IPO9: variants seen among roughly 807,000 people sequenced by gnomAD.
IPO9 encodes the protein importin 9.
Under a neutral mutation model 128.6 loss-of-function variants are expected in IPO9, and 28 were observed. The observed-to-expected ratio is 0.22, with a 90% confidence interval of 0.16 to 0.30. The LOEUF (loss-of-function observed/expected upper bound fraction) is 0.30. IPO9 is among the 10% of genes least tolerant of loss of function. The pLI is 1.00. For synonymous variants in IPO9, 455 were observed against 475.8 expected, an observed-to-expected ratio of 0.96 and a Z score of 0.57; for missense variants, 935 against 1,293.9, an observed-to-expected ratio of 0.72 and a Z score of 4.26.
intron 1 of IPO9, among the ~76,000 whole-genome samples, chr1:201,835,454 A>G (rs1280991988): frequency 6.6e-6 from 1 of 152,240 alleles, no homozygotes; most frequent in Non-Finnish European, 1.5e-5. Context: ...AGGATTTCTT[A>G]GGAAGTCAAA....
chr1:201,834,640 A>G (rs1429844240), intron 1 of IPO9, among the ~76,000 whole-genome samples: 1 of 152,206 alleles, frequency 6.6e-6, no homozygotes, highest in Non-Finnish European at 1.5e-5. Context: ...TTACATAACT[A>G]GATTTAGACC....
chr1:201,857,795 C>CAAA (rs34460064), intron 11 of IPO9, among the ~76,000 whole-genome samples: 3 of 124,392 alleles, frequency 2.4e-5, no homozygotes, highest in Admixed American at 8.1e-5. Context: ...AACTTGGTCT[C>CAAA]AAAAAAAAAA....
chr1:201,861,485 G>A (rs1680447266), intron 13 of IPO9, among the ~76,000 whole-genome samples: 1 of 152,126 alleles, frequency 6.6e-6, no homozygotes, highest in Non-Finnish European at 1.5e-5. Context: ...CCAACTTTAC[G>A]CTAATGTAAG....
chr1:201,829,215 G>A lies in IPO9; in HGVS notation c.6G>A (p.Ala2=). M[A]AAAAAGAASG... is the part of the protein sequence containing the mutation. Reference sequence around the variant, plus strand: ...GCGGGCTGAGGGGAGAAAAGATGGCGGCGGCGGCGGCAGCTGGTGCGGCCT... The same window carrying A: ...GCGGGCTGAGGGGAGAAAAGATGGCAGCGGCGGCGGCAGCTGGTGCGGCCT... Residue 2 remains alanine, a synonymous_variant, in exon 1 of 24, where the codon GCG becomes GCA. Transcript: ENST00000361565. 5 of 1,551,210 alleles carry A rather than the reference G, an allele frequency of 3.2e-6. No homozygotes were observed. The highest frequency in any genetic ancestry group is 1.9e-5 in the Admixed American group (1 of 51,990).
chr1:201,869,579 C>T lies in IPO9; in HGVS notation c.2005-11C>T, dbSNP rs1680612274. The stretch of plus-strand genomic sequence containing the variant: ...GGCAATTCTGACTTTTCTTTTTCTT[C>T]TCTCTTTCAGACAGCCATTGATATC... On this transcript the variant is annotated splice_polypyrimidine_tract_variant and intron_variant, in intron 16 of 23. Transcript: ENST00000361565. The T allele has an allele frequency of 6.2e-7, 1 of 1,613,410 alleles. No homozygotes were observed. The highest frequency in any genetic ancestry group is 1.3e-5 in the African/African-American group (1 of 74,888).
intron 19 of IPO9, among the ~76,000 whole-genome samples, chr1:201,872,249 C>G (rs760704706): frequency 1.3e-5 from 2 of 152,076 alleles, no homozygotes; most frequent in African/African-American, 2.4e-5. Flanking sequence ...CCTTCTAACC[C>G]TGGCTTCCTA....
intron 13 of IPO9, chr1:201,863,223 G>A (rs1266403328): frequency 3.0e-5 from 8 of 268,906 alleles, no homozygotes; most frequent in Admixed American, 1.4e-4. Flanking sequence ...ATGGTGGCAG[G>A]CGCCTGTGAT....
Position 201,860,985 on chromosome 1 carries a change from G to A in IPO9, c.1468+1991G>A, listed in dbSNP as rs189067700. On this transcript the variant is annotated intron_variant, in intron 13 of 23. Transcript: ENST00000361565. Reference sequence around the variant, plus strand: ...GTTCGAGACCAGCCTGGCTAACATGGCCTAACCCCATCTCTACTAAAAATA... The same window carrying A: ...GTTCGAGACCAGCCTGGCTAACATGACCTAACCCCATCTCTACTAAAAATA... Among the ~76,000 whole-genome samples the A allele has an allele frequency of 3.2e-3, 494 of 152,224 alleles. 4 individuals carry two copies. The highest frequency in any genetic ancestry group is 5.0e-3 in the Non-Finnish European group (338 of 68,014).
At chr1:201,853,447 G>T (rs1680263229) in intron 6 of IPO9, among the ~76,000 whole-genome samples, 1 of 152,062 alleles carries the variant, frequency 6.6e-6, no homozygotes, top group Non-Finnish European at 1.5e-5. Flanking sequence ...TGCCCAGGCT[G>T]GTCTTGAACT....
chr1:201,858,392 A>G lies in IPO9; in HGVS notation c.1222-55A>G, dbSNP rs1222596647. The G allele has an allele frequency of 1.8e-5, 18 of 1,002,042 alleles. No individual in the cohort carries two copies. In the Middle Eastern group the frequency reaches 2.0e-3, roughly 112 times the overall value. The allele number at this position is 1,002,042 out of a possible 1,614,324, so 62.1% of individuals were successfully genotyped here. Reference sequence around the variant, plus strand: ...ACAGTCATGACTGAAGCGGTTTACAATTAAAATGCATTTAATGGGCACAAA... The same window carrying G: ...ACAGTCATGACTGAAGCGGTTTACAGTTAAAATGCATTTAATGGGCACAAA... On this transcript the variant is annotated intron_variant, in intron 11 of 23. Coordinates refer to ENST00000361565, the MANE Select transcript of IPO9 (RefSeq NM_018085.5).
Position 201,868,783 on chromosome 1 carries a change from C to G in IPO9, c.1991C>G (p.Ala664Gly). Reference protein sequence around the residue: ...IMQAPADKIPAGLCATAIDIL... With the variant: ...IMQAPADKIPGGLCATAIDIL... ...CAGGCCCCAGCAGACAAGATTCCTG[C>G]AGGGCTTTGTGCGGTAAGTGGCCGT... Residue 664 changes from alanine to glycine, a missense_variant, in exon 16 of 24, where the codon GCA becomes GGA. Physicochemically the swap from Ala to Gly is moderately conservative, Grantham distance 60. Coordinates refer to ENST00000361565, the MANE Select transcript of IPO9 (RefSeq NM_018085.5). 6.2e-7 allele frequency: 1 copy of G among 1,610,358 alleles called. No homozygotes were observed. The highest frequency in any genetic ancestry group is 1.7e-4 in the Middle Eastern group (1 of 6,054).
chr1:201,866,633 T>C (rs1168314322), intron 14 of IPO9, 100 bp from the exon 15 acceptor site: 2 of 876,878 alleles, frequency 2.3e-6, no homozygotes, highest in Non-Finnish European at 3.6e-6. Flanking sequence ...GAATTAGCTT[T>C]ATAAAGCTAC....
At chr1:201,831,178 C>A (rs1217641064) in intron 1 of IPO9, among the ~76,000 whole-genome samples, 1 of 152,008 alleles carries the variant, frequency 6.6e-6, no homozygotes, top group African/African-American at 2.4e-5. Flanking sequence ...TCTTTTTGAG[C>A]CTTTAAGTGA....
intron 3 of IPO9, among the ~76,000 whole-genome samples, chr1:201,847,884 C>T (rs773680944): frequency 6.6e-6 from 1 of 152,118 alleles, no homozygotes; most frequent in Non-Finnish European, 1.5e-5. Flanking sequence ...ACACCTAAGC[C>T]TCAATTTCCT....
chr1:201,830,793 C>T (rs945091287), intron 1 of IPO9, among the ~76,000 whole-genome samples: 1 of 152,324 alleles, frequency 6.6e-6, no homozygotes, highest in East Asian at 1.9e-4. Flanking sequence ...ACTAAACCTT[C>T]CCTGAGTGGT....
chr1:201,852,068 A>T (rs897293797), intron 4 of IPO9, 36 bp from the exon 5 acceptor site: 1 of 1,169,314 alleles, frequency 8.6e-7, no homozygotes, highest in East Asian at 2.7e-5. Context: ...ATGAAGCAGT[A>T]TTTTTTTTTT....
In IPO9 at chr1:201,854,859, A is replaced by G. The variant is rs762043737; in HGVS notation, c.847A>G (p.Met283Val). 32 of 1,611,956 alleles carry G rather than the reference A, an allele frequency of 2.0e-5. No individual in the cohort carries two copies. The highest frequency in any genetic ancestry group is 2.5e-5 in the Non-Finnish European group (30 of 1,179,414). ...CCTAGTGAAAAACTTCCCAAAGCACATGGTGTCCTCCATGCAGCAGATTCT... is the reference window on the plus strand; with the variant it reads ...CCTAGTGAAAAACTTCCCAAAGCACGTGGTGTCCTCCATGCAGCAGATTCT... ...TALVKNFPKHMVSSMQQILPI... is the reference protein window; with the variant it reads ...TALVKNFPKHVVSSMQQILPI... The change falls in exon 8 of 24, where the codon ATG becomes GTG. Residue 283 changes from methionine (M) to valine (V), a missense_variant. Physicochemically the swap from Met to Val is conservative, Grantham distance 21. Around this residue, in one of 3 missense-constraint regions of IPO9, gnomAD observed 741 missense variants for 1,019.1 expected, o/e 0.73. Coordinates refer to ENST00000361565, the MANE Select transcript of IPO9 (RefSeq NM_018085.5).
chr1:201,869,719 G>T lies in IPO9; in HGVS notation c.2133+1G>T. ...CACAGATGACAATGCCACCATGCAG[G>T]TATCTGAGACATGGAGAGTAGAAGA... On this transcript the variant is annotated splice_donor_variant, in intron 17 of 23. Coordinates refer to ENST00000361565, the MANE Select transcript of IPO9 (RefSeq NM_018085.5). LOFTEE classifies it high-confidence loss of function. The T allele has an allele frequency of 6.2e-7, 1 of 1,614,028 alleles. No individual in the cohort carries two copies.
At chr1:201,848,817 A>G (rs1444923878) in intron 4 of IPO9, among the ~76,000 whole-genome samples, 4 of 152,172 alleles carry the variant, frequency 2.6e-5, no homozygotes, top group Non-Finnish European at 5.9e-5. Context: ...CCACTTACAG[A>G]TACAGTATTA....
Sources: gnomAD v4.1 joint callset for allele counts (sites outside exome capture counted in the v4.1 genomes callset) on GRCh38, gnomAD v4.1.1 for gene constraint, gnomAD v4.1.1 regional missense constraint, MANE v1.5 for transcripts, NCBI Gene and HGNC (gene_info 2026-07-23, HGNC 2026-07-21) for gene names.